Variants in LAPTM4B observed in about 807,000 individuals in gnomAD.
The protein encoded by LAPTM4B is lysosomal-associated transmembrane protein 4B.
LAPTM4B carries 26 observed loss-of-function variants against 28.5 expected under a neutral mutation model. That is an observed-to-expected ratio of 0.91 (90% CI 0.67 to 1.27). The LOEUF (loss-of-function observed/expected upper bound fraction) is 1.27, where lower values mean the gene tolerates loss of function less well. Among genes scored for constraint, LAPTM4B ranks in the 50% most tolerant of loss-of-function variants. The pLI, the probability that LAPTM4B is intolerant of heterozygous loss-of-function variation, is 0.00. For synonymous variants in LAPTM4B, 109 were observed against 106.4 expected (o/e 1.02, Z -0.15); for missense variants, 288 against 285.8 (o/e 1.01, Z -0.06).
intron 1 of LAPTM4B, among the ~76,000 whole-genome samples, chr8:97,787,777 T>G (rs769950789): frequency 5.9e-5 from 9 of 152,186 alleles, no homozygotes; most frequent in Non-Finnish European, 8.8e-5. Context: ...GCATCCCTCT[T>G]TCTCCATTAC....
intron 2 of LAPTM4B, among the ~76,000 whole-genome samples, chr8:97,810,326 A>G (rs1207611107): frequency 6.6e-6 from 1 of 152,190 alleles, no homozygotes; most frequent in Non-Finnish European, 1.5e-5. Flanking sequence ...CCTGGATTAG[A>G]TTCTGGAAAA....
At chr8:97,803,791 A>C (rs2917960) in intron 1 of LAPTM4B, among the ~76,000 whole-genome samples, 1 of 152,096 alleles carries the variant, frequency 6.6e-6, no homozygotes, top group Admixed American at 6.5e-5. Flanking sequence ...GACTACAGGC[A>C]TGCACCACTG....
intron 4 of LAPTM4B, 116 bp from the exon 5 acceptor site, chr8:97,819,024 T>C: frequency 1.5e-6 from 1 of 674,588 alleles, no homozygotes; most frequent in Non-Finnish European, 2.6e-6. Flanking sequence ...TGGTTCTAAA[T>C]AATAGCTGTC....
intron 1 of LAPTM4B, among the ~76,000 whole-genome samples, chr8:97,795,486 C>T (rs1387491183): frequency 6.6e-6 from 1 of 152,124 alleles, no homozygotes; most frequent in Non-Finnish European, 1.5e-5. Flanking sequence ...TAAGCAAAGA[C>T]CCCTGTATCT....
At chr8:97,776,866 G>C (rs1816228438) in intron 1 of LAPTM4B, among the ~76,000 whole-genome samples, 1 of 151,982 alleles carries the variant, frequency 6.6e-6, no homozygotes, top group South Asian at 2.1e-4. Flanking sequence ...TTTTTTCCTG[G>C]TTGGAACTTT....
chr8:97,839,936 A>G (rs929221471), intron 6 of LAPTM4B, among the ~76,000 whole-genome samples: 3 of 152,114 alleles, frequency 2.0e-5, no homozygotes, highest in Non-Finnish European at 4.4e-5. Flanking sequence ...GGCAGGTGAA[A>G]TGGGAGTCTG....
At chr8:97,846,956 C>T (rs989431858) in intron 6 of LAPTM4B, among the ~76,000 whole-genome samples, 6 of 152,124 alleles carry the variant, frequency 3.9e-5, no homozygotes, top group Non-Finnish European at 8.8e-5. Flanking sequence ...TTTATTTCTC[C>T]CCCCAACTGT....
chr8:97,843,896 C>T (rs910024175), intron 6 of LAPTM4B, among the ~76,000 whole-genome samples: 1 of 152,134 alleles, frequency 6.6e-6, no homozygotes, highest in African/African-American at 2.4e-5. Context: ...TACCTGCTGT[C>T]ATTTATACAA....
chr8:97,780,835 T>C (rs1816296492), intron 1 of LAPTM4B, among the ~76,000 whole-genome samples: 1 of 152,218 alleles, frequency 6.6e-6, no homozygotes, highest in Non-Finnish European at 1.5e-5. Context: ...CCTTCAGTCC[T>C]GAAGTAAAGT....
At chr8:97,778,020 C>T (rs527559024) in intron 1 of LAPTM4B, among the ~76,000 whole-genome samples, 1 of 152,328 alleles carries the variant, frequency 6.6e-6, no homozygotes, top group African/African-American at 2.4e-5. Context: ...TACTTGAGCC[C>T]TGTTGGCTGT....
chr8:97,803,338 G>A (rs1476967558), intron 1 of LAPTM4B, among the ~76,000 whole-genome samples: 3 of 151,808 alleles, frequency 2.0e-5, no homozygotes, highest in African/African-American at 7.3e-5. Flanking sequence ...GAGGGCAGTG[G>A]CACGATCTCA....
chr8:97,835,722 T>A (rs1327030519), intron 6 of LAPTM4B, among the ~76,000 whole-genome samples: 1 of 152,188 alleles, frequency 6.6e-6, no homozygotes, highest in Non-Finnish European at 1.5e-5. Context: ...GAGCCCCCTT[T>A]CTTTTAGGGC....
At chr8:97,842,208 T>A (rs1208928589) in intron 6 of LAPTM4B, among the ~76,000 whole-genome samples, 3 of 148,796 alleles carry the variant, frequency 2.0e-5, no homozygotes, top group Admixed American at 6.7e-5. Flanking sequence ...TCATATGATT[T>A]TCACATGTCG....
chr8:97,793,056 T>C (rs1389656471), intron 1 of LAPTM4B, among the ~76,000 whole-genome samples: 2 of 151,964 alleles, frequency 1.3e-5, no homozygotes, highest in African/African-American at 2.4e-5. Flanking sequence ...AAAAAAATAC[T>C]GTTGTTGATA....
intron 3 of LAPTM4B, among the ~76,000 whole-genome samples, chr8:97,815,790 A>G (rs1407303713): frequency 2.0e-5 from 3 of 151,648 alleles, no homozygotes; most frequent in Non-Finnish European, 4.4e-5. Flanking sequence ...CTAGTCTCGA[A>G]CTCCTGACCT....
At chr8:97,801,627 A>G (rs7814229) in intron 1 of LAPTM4B, among the ~76,000 whole-genome samples, 68,386 of 151,944 alleles carry the variant, frequency 0.45, 15,790 homozygotes, top group East Asian at 0.58. Context: ...AGTCTGAGGC[A>G]GGCGGATCAC....
chr8:97,800,785 T>G (rs907213210), intron 1 of LAPTM4B, among the ~76,000 whole-genome samples: 1 of 151,928 alleles, frequency 6.6e-6, no homozygotes, highest in South Asian at 2.1e-4. Flanking sequence ...CATGAGCCAC[T>G]GTGCCCAGCC....
At position 97,805,001 on chromosome 8, in the gene LAPTM4B, A is replaced by C. The variant is rs1198906043; in HGVS notation, c.100-352A>C. The stretch of plus-strand genomic sequence containing the variant: ...TTTAGCTCTAGAGTGTAGCTGACTC[A>C]CTGGAAAGTTTTTGTGCTTTTTCAA... On this transcript the variant is annotated intron_variant, in intron 1 of 6. Coordinates refer to ENST00000521545, the MANE Select transcript of LAPTM4B (RefSeq NM_018407.6). Among the ~76,000 whole-genome samples the C allele has an allele frequency of 2.0e-5, 3 of 152,184 alleles. No homozygotes were observed. The South Asian group carries it at 6.2e-4, about 32-fold the overall frequency.
intron 6 of LAPTM4B, among the ~76,000 whole-genome samples, chr8:97,843,577 A>G (rs1712494554): frequency 1.3e-5 from 2 of 152,028 alleles, no homozygotes; most frequent in South Asian, 4.2e-4. Flanking sequence ...TAGGAGTTTG[A>G]GAGACCAGCC....
Sources: allele counts gnomAD v4.1 joint callset (sites outside exome capture counted in the v4.1 genomes callset), GRCh38; gene constraint gnomAD v4.1.1; transcripts MANE v1.5; gene names NCBI Gene and HGNC (gene_info 2026-07-23, HGNC 2026-07-21).